Variants in RUFY3 observed in about 807,000 individuals in gnomAD.
The protein encoded by RUFY3 is protein RUFY3.
In RUFY3, 34 loss-of-function variants were observed where a neutral mutation model predicts 84.0. The ratio of observed to expected loss-of-function variants is 0.40; its 90% CI spans 0.31 to 0.54. The LOEUF (loss-of-function observed/expected upper bound fraction) is 0.54. RUFY3 is among the 20% of genes least tolerant of loss of function. RUFY3 has a pLI of 0.39. For missense variants in RUFY3, 507 were observed against 736.8 expected, an observed-to-expected ratio of 0.69 and a Z score of 3.61; for synonymous variants, 242 against 252.9, an observed-to-expected ratio of 0.96 and a Z score of 0.41.
chr4:70,721,968 C>T lies in RUFY3; in HGVS notation c.-606C>T. The T allele has an allele frequency of 2.4e-6, 3 of 1,232,080 alleles. No homozygotes were observed. The highest frequency in any genetic ancestry group is 3.0e-6 in the Non-Finnish European group (3 of 987,944). 76.3% of individuals were successfully genotyped at this position (1,232,080 alleles called of 1,614,324 possible). Reference sequence around the variant, plus strand: ...ATGAGCCTGAATTTTCAGTTCAGTTCATTAGTCAGCCATTTTGGTCAACAC... The same window carrying T: ...ATGAGCCTGAATTTTCAGTTCAGTTTATTAGTCAGCCATTTTGGTCAACAC... On this transcript the variant is annotated 5_prime_UTR_variant, in exon 1 of 18. Transcript: ENST00000381006.
At chr4:70,711,311 AG>A (rs1480791845) in intron 1 of RUFY3, among the ~76,000 whole-genome samples, 1 of 152,052 alleles carries the variant, frequency 6.6e-6, no homozygotes, top group Non-Finnish European at 1.5e-5. Flanking sequence ...AACTTTGAAA[AG>A]GCAAAAGTAC....
exon 1 of RUFY3, chr4:70,705,208 C>G: frequency 6.8e-7 from 1 of 1,460,798 alleles, no homozygotes; most frequent in Non-Finnish European, 9.0e-7. Flanking sequence ...TCCTGGAGGA[C>G]CCCGCCGTCC....
chr4:70,750,158 C>T (rs948057608), intron 1 of RUFY3, among the ~76,000 whole-genome samples: 6 of 152,044 alleles, frequency 3.9e-5, no homozygotes, highest in African/African-American at 1.2e-4. Flanking sequence ...GCTATGGGTG[C>T]GTACCACCAA....
intron 1 of RUFY3, among the ~76,000 whole-genome samples, chr4:70,727,303 T>A (rs948996817): frequency 1.3e-5 from 2 of 151,306 alleles, no homozygotes; most frequent in Non-Finnish European, 2.9e-5. Context: ...TTTCTTGGAG[T>A]AACATTCTCA....
At chr4:70,750,156 T>C (rs947373653) in intron 1 of RUFY3, among the ~76,000 whole-genome samples, 4 of 152,174 alleles carry the variant, frequency 2.6e-5, no homozygotes, top group African/African-American at 9.7e-5. Flanking sequence ...GGGCTATGGG[T>C]GCGTACCACC....
At chr4:70,721,420 G>GT (rs56842961), upstream of RUFY3, among the ~76,000 whole-genome samples, 78 of 149,242 alleles carry the variant, frequency 5.2e-4, no homozygotes, top group Middle Eastern at 3.5e-3. Context: ...TTAACTTGAA[G>GT]TTTTTTTTTT....
At chr4:70,765,513 CAGTT>C (rs900668489) in intron 4 of RUFY3, among the ~76,000 whole-genome samples, 61 of 152,146 alleles carry the variant, frequency 4.0e-4, no homozygotes, top group South Asian at 4.2e-4. Context: ...ATGGAACTAA[CAGTT>C]AGCTGAGATT....
chr4:70,765,160 C>T (rs945487699), intron 4 of RUFY3, among the ~76,000 whole-genome samples: 1 of 143,124 alleles, frequency 7.0e-6, no homozygotes, highest in African/African-American at 2.6e-5. Flanking sequence ...CACTCTTCAG[C>T]CCGGGCGACA....
intron 1 of RUFY3, among the ~76,000 whole-genome samples, chr4:70,752,167 T>G (rs1418908379): frequency 6.6e-6 from 1 of 152,228 alleles, no homozygotes; most frequent in African/African-American, 2.4e-5. Flanking sequence ...TTGGTAAATA[T>G]TTTTCTGGTG....
rs1732937002 is a variant in RUFY3 at position 70,807,248 on chromosome 4, ATATGT to A, written c.*593_*597del. The A allele has an allele frequency of 6.6e-6, 1 of 152,220 alleles. No homozygotes were observed. The highest frequency in any genetic ancestry group is 2.1e-4 in the South Asian group (1 of 4,834). 9.4% of individuals were successfully genotyped at this position (152,220 alleles called of 1,614,324 possible). A position where few individuals can be genotyped will look rare whatever the true frequency, so the allele number is the denominator to read the frequency against. ...TGCATATATTAAAAACAATATTGTA[ATATGT>A]TATAATTTCAGGACCAGAATTTTCT... On this transcript the variant is annotated 3_prime_UTR_variant, in exon 18 of 18. Transcript: ENST00000381006.
chr4:70,743,492 C>A (rs1721656088), intron 1 of RUFY3, among the ~76,000 whole-genome samples: 1 of 152,082 alleles, frequency 6.6e-6, no homozygotes, highest in South Asian at 2.1e-4. Context: ...GAGAACTTTA[C>A]CATGACTCAT....
intron 4 of RUFY3, among the ~76,000 whole-genome samples, chr4:70,766,559 A>T (rs1292990597): frequency 3.9e-5 from 6 of 152,094 alleles, no homozygotes; most frequent in East Asian, 1.9e-4. Context: ...CCATTTTTTT[A>T]AAAAATCTAA....
intron 1 of RUFY3, chr4:70,741,735 T>G: frequency 7.7e-7 from 1 of 1,290,526 alleles, no homozygotes. Context: ...TAAAATTTTC[T>G]AACCACCTTT....
At chr4:70,800,267 A>T in intron 15 of RUFY3, 62 bp downstream of exon 15, 1 of 1,305,284 alleles carries the variant, frequency 7.7e-7, no homozygotes, top group Non-Finnish European at 1.1e-6. Context: ...GGAAGGAGGG[A>T]GTTCTTTATA....
At chr4:70,720,163 C>T (rs568902289), upstream of RUFY3, among the ~76,000 whole-genome samples, 2 of 152,114 alleles carry the variant, frequency 1.3e-5, no homozygotes, top group South Asian at 2.1e-4. Flanking sequence ...GTGATTCTTC[C>T]ACCTCAGTCT....
At position 70,788,817 on chromosome 4, in the gene RUFY3, A is replaced by G. The variant is rs201587284; in HGVS notation, c.1083A>G (p.Lys361=). ...EETQLRLDVE[K]ELEMQISMRQ... ...ACCTTTGGGGGCAGGATGTTGAGAA[A>G]GAACTGGAGATGCAGATCAGCATGA... Residue 361 remains lysine, a synonymous_variant, in exon 11 of 18, where the codon AAA becomes AAG. Coordinates refer to ENST00000381006, the MANE Select transcript of RUFY3 (RefSeq NM_001037442.4). The G allele has an allele frequency of 6.2e-7, 1 of 1,614,068 alleles. No individual in the cohort carries two copies.
chr4:70,709,521 C>T (rs1340734544), intron 1 of RUFY3, among the ~76,000 whole-genome samples: 1 of 152,158 alleles, frequency 6.6e-6, no homozygotes, highest in Non-Finnish European at 1.5e-5. Context: ...TTTTATATTT[C>T]GTGGTGGCTT....
chr4:70,716,610 G>A (rs988278036), intron 1 of RUFY3, among the ~76,000 whole-genome samples: 4 of 151,988 alleles, frequency 2.6e-5, no homozygotes, highest in Admixed American at 6.6e-5. Context: ...TTAGGAGGCC[G>A]AGATGGGCAG....
intron 14 of RUFY3, 144 bp from the exon 15 acceptor site, chr4:70,799,997 A>G (rs1378387387): frequency 1.6e-5 from 10 of 644,560 alleles, no homozygotes; most frequent in Non-Finnish European, 2.4e-5. Context: ...ATGAGGAAAC[A>G]TAGCTTGAAA....
Sources: gnomAD v4.1 joint callset for allele counts (sites outside exome capture counted in the v4.1 genomes callset) on GRCh38, gnomAD v4.1.1 for gene constraint, MANE v1.5 for transcripts, NCBI Gene and HGNC (gene_info 2026-07-23, HGNC 2026-07-21) for gene names.